The following NLGN1 variants were observed in gnomAD, a reference collection of about 807,000 sequenced individuals.
NLGN1 encodes the protein neuroligin 1.
A neutral mutation model predicts 65.5 loss-of-function variants in NLGN1; 12 were observed. That is an observed-to-expected ratio of 0.18 (90% CI 0.12 to 0.30). The LOEUF (loss-of-function observed/expected upper bound fraction) is 0.30. Ranked by LOEUF, NLGN1 falls within the 10% of genes least tolerant of loss-of-function variation. The pLI is 1.00. For synonymous variants in NLGN1, 350 were observed against 359.5 expected (o/e 0.97, Z 0.30); for missense variants, 750 against 1,007.1 (o/e 0.74, Z 3.46).
chr3:174,063,936 G>A (rs1560954377), intron 4 of NLGN1, among the ~76,000 whole-genome samples: 1 of 152,130 alleles, frequency 6.6e-6, no homozygotes, highest in Non-Finnish European at 1.5e-5. Flanking sequence ...GAGGTCAGGA[G>A]TTGAAGACCA....
At chr3:173,800,266 C>G in intron 3 of NLGN1, 1 of 779,160 alleles carries the variant, frequency 1.3e-6, no homozygotes, top group Non-Finnish European at 1.7e-6. Flanking sequence ...TTTTTTTTTT[C>G]CTCCATTTCT....
At chr3:174,164,053 G>C (rs1356800817) in intron 4 of NLGN1, among the ~76,000 whole-genome samples, 2 of 152,048 alleles carry the variant, frequency 1.3e-5, no homozygotes, top group African/African-American at 2.4e-5. Flanking sequence ...CCCACCAACA[G>C]TGTACAAGTA....
chr3:174,109,965 T>C (rs1017233245), intron 4 of NLGN1, among the ~76,000 whole-genome samples: 1 of 152,058 alleles, frequency 6.6e-6, no homozygotes, highest in African/African-American at 2.4e-5. Flanking sequence ...ATTAAAGACA[T>C]TTTAAAGAAC....
chr3:173,769,888 A>T (rs2150256052), intron 3 of NLGN1, among the ~76,000 whole-genome samples: 1 of 152,328 alleles, frequency 6.6e-6, no homozygotes, highest in African/African-American at 2.4e-5. Context: ...CTCTGGAAAT[A>T]TCTAAAAGGT....
chr3:173,661,584 A>G (rs2149692551), intron 3 of NLGN1, among the ~76,000 whole-genome samples: 1 of 152,094 alleles, frequency 6.6e-6, no homozygotes, highest in African/African-American at 2.4e-5. Flanking sequence ...TTGAAAAAAG[A>G]ATTTCTTCTT....
At chr3:174,288,548 A>G (rs1365377832), downstream of NLGN1, among the ~76,000 whole-genome samples, 1 of 151,402 alleles carries the variant, frequency 6.6e-6, no homozygotes, top group South Asian at 2.1e-4. Flanking sequence ...TTGATCTCAA[A>G]TATTTAAAGA....
chr3:173,419,934 T>C (rs1714660363), intron 1 of NLGN1, among the ~76,000 whole-genome samples: 1 of 150,774 alleles, frequency 6.6e-6, no homozygotes, highest in African/African-American at 2.5e-5. Context: ...GATCGCACCA[T>C]TGCACTCCAG....
intron 4 of NLGN1, among the ~76,000 whole-genome samples, chr3:174,088,809 A>AAAT (rs1561014181): frequency 2.9e-4 from 42 of 145,410 alleles, no homozygotes; most frequent in African/African-American, 1.0e-3. Flanking sequence ...AATAAATAAA[A>AAAT]CTAGATTATT....
At chr3:173,654,397 G>A (rs1759663310) in intron 3 of NLGN1, among the ~76,000 whole-genome samples, 1 of 151,954 alleles carries the variant, frequency 6.6e-6, no homozygotes, top group Non-Finnish European at 1.5e-5. Context: ...TTAGTAAAAT[G>A]AATAGTTTCT....
chr3:173,397,632 C>T (rs1209834538), upstream of NLGN1: 2 of 153,336 alleles, frequency 1.3e-5, no homozygotes, highest in African/African-American at 4.8e-5. Flanking sequence ...CCGTCAGTCC[C>T]CCCACCCGCG....
chr3:174,046,476 C>T (rs954607401), intron 4 of NLGN1, among the ~76,000 whole-genome samples: 2 of 151,834 alleles, frequency 1.3e-5, no homozygotes, highest in African/African-American at 4.8e-5. Flanking sequence ...GGGATTTGCT[C>T]TTGATCTTGC....
chr3:173,807,631 G>T (rs766934504), intron 3 of NLGN1, 49 bp from the exon 4 acceptor site: 2 of 1,588,036 alleles, frequency 1.3e-6, no homozygotes, highest in Admixed American at 3.5e-5. Context: ...CTGCTTCATT[G>T]TGTGTTATTT....
chr3:173,886,387 A>T (rs1734334034), intron 4 of NLGN1, among the ~76,000 whole-genome samples: 1 of 152,122 alleles, frequency 6.6e-6, no homozygotes, highest in Non-Finnish European at 1.5e-5. Context: ...CGTTTAAGGT[A>T]TAAAAAGAAG....
intron 4 of NLGN1, among the ~76,000 whole-genome samples, chr3:174,182,722 G>T (rs1037724437): frequency 6.6e-6 from 1 of 152,080 alleles, no homozygotes; most frequent in African/African-American, 2.4e-5. Context: ...TGATACAATG[G>T]AAAACTCTCC....
chr3:173,642,045 C>CAT (rs1243790264), intron 3 of NLGN1, among the ~76,000 whole-genome samples: 93 of 148,510 alleles, frequency 6.3e-4, no homozygotes, highest in East Asian at 9.9e-4. Context: ...TCTCTTTCTC[C>CAT]ATATATATAT....
At chr3:174,181,778 TACACACACAC>T (rs3035853) in intron 4 of NLGN1, among the ~76,000 whole-genome samples, 4 of 142,590 alleles carry the variant, frequency 2.8e-5, no homozygotes, top group African/African-American at 7.9e-5. Flanking sequence ...AAAATAAAAA[TACACACACAC>T]ACACACACAC....
chr3:174,040,134 C>G (rs1731963957), intron 4 of NLGN1, among the ~76,000 whole-genome samples: 1 of 152,156 alleles, frequency 6.6e-6, no homozygotes, highest in South Asian at 2.1e-4. Flanking sequence ...TACAGGTTGC[C>G]CCATTCCTCT....
rs1719626005 is a variant in NLGN1 at position 173,443,564 on chromosome 3, C to T, written c.-321+8486C>T. Among the ~76,000 whole-genome samples the T allele has an allele frequency of 2.0e-5, 3 of 151,960 alleles. No individual in the cohort carries two copies. In the South Asian group the frequency reaches 6.2e-4, roughly 31 times the overall value. On this transcript the variant is annotated intron_variant, in intron 2 of 6. Coordinates refer to ENST00000457714, the Ensembl canonical transcript of NLGN1. ...TATGTGCAGTATCAATAAGGATGCA[C>T]ACAGCACATTTTAAAAATTTACTTT...
chr3:174,087,944 A>ATCCCC (rs1273186815), intron 4 of NLGN1, among the ~76,000 whole-genome samples: 2 of 152,196 alleles, frequency 1.3e-5, no homozygotes, highest in East Asian at 3.9e-4. Context: ...ATATGGCATC[A>ATCCCC]TTTGCTGCTC....
Sources: allele counts gnomAD v4.1 joint callset (sites outside exome capture counted in the v4.1 genomes callset), GRCh38; gene constraint gnomAD v4.1.1; transcripts MANE v1.5; gene names NCBI Gene and HGNC (gene_info 2026-07-23, HGNC 2026-07-21).